MYO1B: variants seen among roughly 807,000 people sequenced by gnomAD.
MYO1B encodes myosin IB, also known as unconventional myosin-Ib.
A neutral mutation model predicts 159.7 loss-of-function variants in MYO1B; 72 were observed. The ratio of observed to expected loss-of-function variants is 0.45; its 90% CI spans 0.37 to 0.55. The LOEUF (loss-of-function observed/expected upper bound fraction) is 0.55. Ranked by LOEUF, MYO1B falls within the 20% of genes least tolerant of loss-of-function variation. MYO1B has a pLI of 0.00. For missense variants in MYO1B, 1,062 were observed against 1,364.8 expected, an observed-to-expected ratio of 0.78 and a Z score of 3.50; for synonymous variants, 468 against 473.8, an observed-to-expected ratio of 0.99 and a Z score of 0.16.
intron 11 of MYO1B, 129 bp downstream of exon 11, chr2:191,364,405 G>T: frequency 1.4e-6 from 1 of 712,816 alleles, no homozygotes; most frequent in Admixed American, 2.5e-5. Flanking sequence ...ATTGGGAACA[G>T]AGCAGTAAAC....
At chr2:191,314,516 T>C (rs1261418995) in intron 3 of MYO1B, among the ~76,000 whole-genome samples, 1 of 152,360 alleles carries the variant, frequency 6.6e-6, no homozygotes, top group East Asian at 1.9e-4. Flanking sequence ...TAGATGTTGG[T>C]CTCTTCTATA....
rs143104978 is a variant in MYO1B at position 191,257,808 on chromosome 2, G to T, written c.-10+12182G>T. On this transcript the variant is annotated intron_variant, in intron 1 of 30. Transcript: ENST00000392318. Reference sequence around the variant, plus strand: ...TACACAATTGAGTGTAAAATCTAGTGGAGGACATTTAAATAAACGGAAGTA... The same window carrying T: ...TACACAATTGAGTGTAAAATCTAGTTGAGGACATTTAAATAAACGGAAGTA... Among the ~76,000 whole-genome samples the T allele has an allele frequency of 6.1e-4, 93 of 152,266 alleles. 1 individual carries two copies. In the East Asian group the frequency reaches 0.01, roughly 17 times the overall value.
Position 191,416,327 on chromosome 2 carries a change from A to G in MYO1B, c.3287+85A>G, listed in dbSNP as rs780296433. The G allele has an allele frequency of 2.0e-6, 3 of 1,487,670 alleles. No homozygotes were observed. In the African/African-American group the frequency reaches 4.2e-5, roughly 21 times the overall value. The allele number at this position is 1,487,670 out of a possible 1,614,324, so 92.2% of individuals were successfully genotyped here. A position where few individuals can be genotyped will look rare whatever the true frequency, so the allele number is the denominator to read the frequency against. ...GCTCTCGATCTCATTCATTAATACA[A>G]CTACTTATTAAGTACCAGGTATGTG... On this transcript the variant is annotated intron_variant, in intron 30 of 30. Coordinates refer to ENST00000392318, the MANE Select transcript of MYO1B (RefSeq NM_001130158.3).
rs574211374 is a variant in MYO1B at position 191,398,724 on chromosome 2, C to T, written c.2296-1658C>T. On this transcript the variant is annotated intron_variant, in intron 21 of 30. Coordinates refer to ENST00000392318, the MANE Select transcript of MYO1B (RefSeq NM_001130158.3). Reference sequence around the variant, plus strand: ...AGATGGGATGGCGGCGGGGAAGAGGCGCTCCTCGCTTCCTAGATGGGATGG... The same window carrying T: ...AGATGGGATGGCGGCGGGGAAGAGGTGCTCCTCGCTTCCTAGATGGGATGG... Among the ~76,000 whole-genome samples, 6 of 151,308 alleles carry T rather than the reference C, an allele frequency of 4.0e-5. No individual in the cohort carries two copies. In the South Asian group the frequency reaches 1.3e-3, roughly 32 times the overall value.
At chr2:191,287,423 G>A (rs947486046) in intron 2 of MYO1B, among the ~76,000 whole-genome samples, 8 of 151,994 alleles carry the variant, frequency 5.3e-5, no homozygotes, top group Non-Finnish European at 8.8e-5. Context: ...CCAGCTACTC[G>A]GGAGGCTGAG....
At chr2:191,264,983 G>C (rs763065973) in intron 1 of MYO1B, among the ~76,000 whole-genome samples, 1 of 151,954 alleles carries the variant, frequency 6.6e-6, no homozygotes, top group Non-Finnish European at 1.5e-5. Flanking sequence ...CTGCAGAGCT[G>C]GGCCTGCAAC....
chr2:191,283,495 A>G (rs919201380), intron 2 of MYO1B, among the ~76,000 whole-genome samples: 2 of 152,224 alleles, frequency 1.3e-5, no homozygotes, highest in African/African-American at 4.8e-5. Context: ...ATAAATGATA[A>G]CAAAGGACAT....
intron 4 of MYO1B, among the ~76,000 whole-genome samples, chr2:191,331,371 T>C (rs114111071): frequency 1.8e-3 from 281 of 152,280 alleles, no homozygotes; most frequent in African/African-American, 6.4e-3. Flanking sequence ...TCTCACCACT[T>C]TGAATGGCAC....
chr2:191,328,713 A>G (rs944318722), intron 3 of MYO1B, among the ~76,000 whole-genome samples: 1 of 152,180 alleles, frequency 6.6e-6, no homozygotes, highest in East Asian at 1.9e-4. Flanking sequence ...TCCTCTCTTC[A>G]TTATGCTTTG....
chr2:191,424,950 A>T lies in MYO1B; in HGVS notation c.*990A>T, dbSNP rs528453687. ...TTTTATTTATAATATACATTTTTGT[A>T]TGAGAAAGGTGATTGGTACAGGGTG... On this transcript the variant is annotated 3_prime_UTR_variant, in exon 31 of 31. Transcript: ENST00000392318. The T allele has an allele frequency of 6.6e-6, 1 of 152,586 alleles. No individual in the cohort carries two copies. The highest frequency in any genetic ancestry group is 2.4e-5 in the African/African-American group (1 of 41,458). The allele number at this position is 152,586 out of a possible 1,614,324, so 9.5% of individuals were successfully genotyped here.
In MYO1B at chr2:191,296,039, C is replaced by T. The variant is rs980635139; in HGVS notation, c.136-72C>T. 8.8e-6 allele frequency: 7 copies of T among 795,920 alleles called. No individual in the cohort carries two copies. In the African/African-American group the frequency reaches 1.2e-4, roughly 14 times the overall value. The allele number at this position is 795,920 out of a possible 1,614,324, so 49.3% of individuals were successfully genotyped here. On this transcript the variant is annotated intron_variant, in intron 2 of 30. Transcript: ENST00000392318. ...ATTTTAAAAGGTTGAAACCATACAA[C>T]ACTAAAGCTTAAGACGTTAAAATAC...
chr2:191,341,101 G>C (rs1225847140), intron 4 of MYO1B, among the ~76,000 whole-genome samples: 3 of 151,958 alleles, frequency 2.0e-5, no homozygotes, highest in Non-Finnish European at 4.4e-5. Flanking sequence ...AAATACGTTT[G>C]GTAAAGATAC....
chr2:191,312,164 C>T lies in MYO1B; in HGVS notation c.251+15938C>T, dbSNP rs564440891. 2.1e-3 allele frequency among the ~76,000 whole-genome samples: 319 copies of T among 152,238 alleles called. 1 individual carries two copies. Among genetic ancestry groups the T allele is most frequent in the African/African-American group, 7.2e-3 (297 of 41,524 alleles). ...ATAGGACTCTTAAAATTAAAGCCAG[C>T]GCTAATTAAAAATTCTGGCTGTGAA... On this transcript the variant is annotated intron_variant, in intron 3 of 30. Coordinates refer to ENST00000392318, the MANE Select transcript of MYO1B (RefSeq NM_001130158.3).
Position 191,400,459 on chromosome 2 carries a change from T to A in MYO1B, c.2373T>A (p.His791Gln), listed in dbSNP as rs755361657. The A allele has an allele frequency of 1.2e-5, 19 of 1,614,076 alleles. No homozygotes were observed. Among genetic ancestry groups the A allele is most frequent in the Admixed American group, 1.0e-4 (6 of 60,004 alleles). The change falls in exon 22 of 31, where the codon CAT becomes CAA. Residue 791 changes from histidine (H) to glutamine (Q), a missense_variant. Physicochemically the swap from His to Gln is conservative, Grantham distance 24 (BLOSUM62 0). Transcript: ENST00000392318. ...EAVTTIAAYW[H>Q]GTQARRELRR... ...TCACGACCATTGCTGCATATTGGCA[T>A]GGGACCCAGGTAGGCCCGAGACCCC...
chr2:191,367,956 G>A (rs1694114781), intron 11 of MYO1B, among the ~76,000 whole-genome samples: 2 of 152,156 alleles, frequency 1.3e-5, no homozygotes, highest in Admixed American at 1.3e-4. Flanking sequence ...ATTATATTTT[G>A]ATTTCTCTGT....
chr2:191,425,111 T>C lies in MYO1B; in HGVS notation c.*1151T>C, dbSNP rs1698145964. On this transcript the variant is annotated 3_prime_UTR_variant, in exon 31 of 31. Transcript: ENST00000392318. ...TTGTTTCTTATTTGGGAGGATAATGTATATACATTGGTATTATGTTAAATA... is the reference window on the plus strand; with the variant it reads ...TTGTTTCTTATTTGGGAGGATAATGCATATACATTGGTATTATGTTAAATA... 6.6e-6 allele frequency: 1 copy of C among 152,020 alleles called. No individual in the cohort carries two copies. Among genetic ancestry groups the C allele is most frequent in the African/African-American group, 2.4e-5 (1 of 41,378 alleles). The allele number at this position is 152,020 out of a possible 1,614,324, so 9.4% of individuals were successfully genotyped here. A position where few individuals can be genotyped will look rare whatever the true frequency, so the allele number is the denominator to read the frequency against.
At chr2:191,253,862 G>C (rs1385931158) in intron 1 of MYO1B, among the ~76,000 whole-genome samples, 2 of 152,106 alleles carry the variant, frequency 1.3e-5, no homozygotes, top group African/African-American at 4.8e-5. Context: ...TGGTTTAATG[G>C]CTTCCCATCC....
At chr2:191,278,189 GT>G (rs1687858141) in intron 2 of MYO1B, among the ~76,000 whole-genome samples, 2 of 152,164 alleles carry the variant, frequency 1.3e-5, no homozygotes, top group South Asian at 4.2e-4. Context: ...GAAGTCCACG[GT>G]GAAGGGGCTG....
At chr2:191,373,501 C>A (rs1480189571) in intron 13 of MYO1B, among the ~76,000 whole-genome samples, 1 of 152,208 alleles carries the variant, frequency 6.6e-6, no homozygotes, top group East Asian at 1.9e-4. Context: ...TTCATCTGGG[C>A]ATGGTGGCTC....
Sources: gnomAD v4.1 joint callset for allele counts (sites outside exome capture counted in the v4.1 genomes callset) on GRCh38, gnomAD v4.1.1 for gene constraint, MANE v1.5 for transcripts, NCBI Gene and HGNC (gene_info 2026-07-23, HGNC 2026-07-21) for gene names.